OTUD7A: variants seen among roughly 807,000 people sequenced by gnomAD.
OTUD7A encodes the protein OTU deubiquitinase 7A, also known as OTU domain-containing protein 7A.
In OTUD7A, 12 loss-of-function variants were observed where a neutral mutation model predicts 65.7. The ratio of observed to expected loss-of-function variants is 0.18; its 90% confidence interval spans 0.12 to 0.30. The LOEUF (loss-of-function observed/expected upper bound fraction) is 0.30, where lower values mean the gene tolerates loss of function less well. Ranked by LOEUF, OTUD7A falls within the 10% of genes least tolerant of loss-of-function variation. The pLI is 1.00. For missense variants in OTUD7A, 1,148 were observed against 1,304.8 expected (o/e 0.88, Z 1.85); for synonymous variants, 641 against 586.3 (o/e 1.09, Z -1.35).
At chr15:31,652,112 G>A (rs1205244627) in intron 3 of OTUD7A, among the ~76,000 whole-genome samples, 1 of 151,874 alleles carries the variant, frequency 6.6e-6, no homozygotes, top group African/African-American at 2.4e-5. Context: ...AAATCAATAT[G>A]GCACAATGTT....
intron 1 of OTUD7A, among the ~76,000 whole-genome samples, chr15:31,709,808 ATG>A (rs1294096492): frequency 6.6e-6 from 1 of 152,172 alleles, no homozygotes; most frequent in Admixed American, 6.5e-5. Flanking sequence ...ATGCAAATAT[ATG>A]TGTATATATA....
intron 1 of OTUD7A, among the ~76,000 whole-genome samples, chr15:31,722,289 C>G (rs180867967): frequency 6.6e-6 from 1 of 152,198 alleles, no homozygotes; most frequent in Non-Finnish European, 1.5e-5. Flanking sequence ...AGTTTCCAAG[C>G]CTGCCACAGC....
chr15:31,522,264 G>C (rs7173874), intron 8 of OTUD7A, among the ~76,000 whole-genome samples: 52,486 of 152,074 alleles, frequency 0.35, 9,276 homozygotes, highest in Middle Eastern at 0.4. Flanking sequence ...ATCTATTCAT[G>C]ATGGGAACAA....
chr15:31,489,962 G>A (rs911699805), intron 10 of OTUD7A, among the ~76,000 whole-genome samples: 1 of 152,232 alleles, frequency 6.6e-6, no homozygotes, highest in Non-Finnish European at 1.5e-5. Flanking sequence ...GGTACTGAGA[G>A]GCTCTACGGA....
rs181150972 is a variant in OTUD7A, at chr15:31,817,571, G to C, written c.-100+52936C>G. ...AAAAACCCAAGGCTTTTGTTCTCCTGTGGGCTCCGAAAGTCAGGACATGTT... is the reference window on the plus strand; with the variant it reads ...AAAAACCCAAGGCTTTTGTTCTCCTCTGGGCTCCGAAAGTCAGGACATGTT... On this transcript the variant is annotated intron_variant, in intron 1 of 12. Transcript: ENST00000307050. Among the ~76,000 whole-genome samples, 9 of 152,226 alleles carry C rather than the reference G, an allele frequency of 5.9e-5. No individual in the cohort carries two copies. The East Asian group carries it at 1.7e-3, about 29-fold the overall frequency.
intron 1 of OTUD7A, among the ~76,000 whole-genome samples, chr15:31,724,815 C>T (rs1893838573): frequency 6.6e-6 from 1 of 151,982 alleles, no homozygotes; most frequent in Non-Finnish European, 1.5e-5. Flanking sequence ...AAAAACTAGA[C>T]ACGATGTTTT....
chr15:31,836,891 G>A (rs1165946507), intron 1 of OTUD7A, among the ~76,000 whole-genome samples: 1 of 152,168 alleles, frequency 6.6e-6, no homozygotes, highest in Non-Finnish European at 1.5e-5. Context: ...CATAATGAAT[G>A]CACAAAGACT....
rs531434322 is a variant in OTUD7A, at chr15:31,859,366, T to G, written c.-100+11141A>C. Among the ~76,000 whole-genome samples the G allele has an allele frequency of 2.6e-5, 4 of 152,362 alleles. No homozygotes were observed. The East Asian group carries it at 5.8e-4, about 22-fold the overall frequency. ...ACACTTCAACTCTACTTTTAGCAAT[T>G]GTCAAGTCTATAATACATTGTTATT... is the stretch of plus-strand genomic sequence containing the variant. On this transcript the variant is annotated intron_variant, in intron 1 of 12. Coordinates refer to ENST00000307050, the MANE Select transcript of OTUD7A (RefSeq NM_001382637.1).
At chr15:31,772,438 G>A (rs1177049646) in intron 1 of OTUD7A, among the ~76,000 whole-genome samples, 10 of 151,710 alleles carry the variant, frequency 6.6e-5, no homozygotes, top group Non-Finnish European at 1.5e-4. Flanking sequence ...AGGAATAAAC[G>A]AAAAAAAATG....
intron 3 of OTUD7A, among the ~76,000 whole-genome samples, chr15:31,626,551 C>G (rs1227725620): frequency 6.6e-6 from 1 of 152,090 alleles, no homozygotes; most frequent in African/African-American, 2.4e-5. Context: ...TCCATTTGGA[C>G]AATGTGTTCA....
intron 4 of OTUD7A, 127 bp downstream of exon 4, chr15:31,569,891 C>G: frequency 4.1e-6 from 4 of 976,832 alleles, no homozygotes; most frequent in Non-Finnish European, 6.0e-6. Flanking sequence ...AAAGAAGGCA[C>G]TGAGAGGCCA....
At chr15:31,843,364 C>A (rs1248326759) in intron 1 of OTUD7A, among the ~76,000 whole-genome samples, 1 of 150,404 alleles carries the variant, frequency 6.6e-6, no homozygotes, top group Non-Finnish European at 1.5e-5. Context: ...AACCATTAAG[C>A]CTTAACACAG....
intron 8 of OTUD7A, among the ~76,000 whole-genome samples, chr15:31,516,546 C>G (rs879506111): frequency 5.3e-5 from 8 of 152,160 alleles, no homozygotes; most frequent in African/African-American, 9.7e-5. Flanking sequence ...CAGAGAGCAC[C>G]TGAGGGTGTA....
intron 8 of OTUD7A, among the ~76,000 whole-genome samples, chr15:31,523,265 C>A (rs1048644534): frequency 6.6e-6 from 1 of 152,218 alleles, no homozygotes; most frequent in Admixed American, 6.5e-5. Flanking sequence ...GTCTGTGTCC[C>A]CTGTGGGGCC....
intron 1 of OTUD7A, among the ~76,000 whole-genome samples, chr15:31,819,941 CCCTCA>C (rs762613851): frequency 2.0e-5 from 3 of 151,872 alleles, no homozygotes; most frequent in Non-Finnish European, 4.4e-5. Context: ...AATATCTAGT[CCCTCA>C]CCTCCACACT....
At chr15:31,604,637 C>T (rs1890185237) in intron 3 of OTUD7A, among the ~76,000 whole-genome samples, 1 of 152,166 alleles carries the variant, frequency 6.6e-6, no homozygotes, top group Admixed American at 6.5e-5. Flanking sequence ...AGCTGCTTCA[C>T]AAAAATACTT....
At chr15:31,504,247 T>C (rs1263425318) in intron 8 of OTUD7A, among the ~76,000 whole-genome samples, 1 of 152,100 alleles carries the variant, frequency 6.6e-6, no homozygotes, top group African/African-American at 2.4e-5. Flanking sequence ...TGGGCACATC[T>C]GATGGGCTGG....
chr15:31,659,552 T>A (rs1234397161), intron 1 of OTUD7A, among the ~76,000 whole-genome samples: 2 of 152,250 alleles, frequency 1.3e-5, no homozygotes, highest in Non-Finnish European at 2.9e-5. Context: ...CGCAAAAATA[T>A]CTTTGAGGAA....
At chr15:31,538,608 A>G (rs1340491012) in intron 5 of OTUD7A, among the ~76,000 whole-genome samples, 1 of 152,192 alleles carries the variant, frequency 6.6e-6, no homozygotes, top group Non-Finnish European at 1.5e-5. Flanking sequence ...TTTGTTTGTT[A>G]TGGTTGAGTT....
Sources: allele counts gnomAD v4.1 joint callset (sites outside exome capture counted in the v4.1 genomes callset), GRCh38; gene constraint gnomAD v4.1.1; transcripts MANE v1.5; gene names NCBI Gene and HGNC (gene_info 2026-07-23, HGNC 2026-07-21).